TMTC2: variants seen among roughly 807,000 people sequenced by gnomAD.
The protein encoded by TMTC2 is protein O-mannosyl-transferase TMTC2.
In TMTC2, 43 loss-of-function variants were observed where a neutral mutation model predicts 82.4. The ratio of observed to expected loss-of-function variants is 0.52; its 90% CI spans 0.41 to 0.67. TMTC2 has a LOEUF of 0.67. Ranked by LOEUF, TMTC2 falls within the 30% of genes least tolerant of loss-of-function variation. TMTC2 has a pLI of 0.00. For synonymous variants in TMTC2, 408 were observed against 381.9 expected (o/e 1.07, Z -0.80); for missense variants, 919 against 1,012.4 (o/e 0.91, Z 1.25).
intron 11 of TMTC2, among the ~76,000 whole-genome samples, chr12:83,110,715 C>T (rs1259204556): frequency 6.6e-6 from 1 of 152,176 alleles, no homozygotes; most frequent in African/African-American, 2.4e-5. Context: ...ACTCTGGTAC[C>T]TCTTGTGGTT....
At chr12:82,876,068 G>GGTGGTGGTGGTGGTATTAGTA (rs1872515843) in intron 2 of TMTC2, among the ~76,000 whole-genome samples, 1 of 100,064 alleles carries the variant, frequency 1.0e-5, no homozygotes, top group African/African-American at 4.7e-5. Context: ...TGGTGGTGGT[G>GGTGGTGGTGGTGGTATTAGTA]ATGATGATGA....
chr12:82,936,823 G>A (rs915394664), intron 4 of TMTC2, among the ~76,000 whole-genome samples: 1 of 152,006 alleles, frequency 6.6e-6, no homozygotes, highest in East Asian at 1.9e-4. Context: ...CAGCTTCTTG[G>A]GGTAGTGACA....
intron 4 of TMTC2, among the ~76,000 whole-genome samples, chr12:82,932,739 A>G (rs1200177627): frequency 1.3e-5 from 2 of 152,148 alleles, no homozygotes; most frequent in Non-Finnish European, 2.9e-5. Flanking sequence ...TTTGGAAGAA[A>G]AGGAAACTGA....
chr12:82,852,180 C>T (rs1223169758), intron 1 of TMTC2, among the ~76,000 whole-genome samples: 2 of 150,742 alleles, frequency 1.3e-5, no homozygotes, highest in African/African-American at 4.9e-5. Context: ...CAGCTCAGTG[C>T]AAGCTCCGCC....
At chr12:83,019,532 C>G (rs1796177) in intron 8 of TMTC2, among the ~76,000 whole-genome samples, 77,016 of 151,974 alleles carry the variant, frequency 0.51, 22,141 homozygotes, top group East Asian at 0.85. Flanking sequence ...ACACCCTTGA[C>G]ATCTCAGCTA....
At chr12:83,099,189 T>C (rs557804574) in intron 11 of TMTC2, among the ~76,000 whole-genome samples, 1 of 152,334 alleles carries the variant, frequency 6.6e-6, no homozygotes, top group South Asian at 2.1e-4. Flanking sequence ...ATCTCCTTTT[T>C]CAGCTATTTC....
intron 10 of TMTC2, among the ~76,000 whole-genome samples, chr12:83,060,235 G>A (rs760743924): frequency 2.2e-4 from 33 of 151,642 alleles, no homozygotes; most frequent in Non-Finnish European, 3.1e-4. Flanking sequence ...ATTAAAAATA[G>A]CAGTGTTTTT....
intron 7 of TMTC2, among the ~76,000 whole-genome samples, chr12:82,982,208 A>G (rs1238255652): frequency 6.6e-6 from 1 of 151,822 alleles, no homozygotes; most frequent in Non-Finnish European, 1.5e-5. Context: ...CCATTTAATC[A>G]TTTTTGGATA....
At chr12:82,854,232 G>T (rs913131550) in intron 1 of TMTC2, among the ~76,000 whole-genome samples, 2 of 152,176 alleles carry the variant, frequency 1.3e-5, no homozygotes, top group African/African-American at 4.8e-5. Context: ...ACTGTTACTA[G>T]TTAACACTCA....
chr12:82,868,730 G>A (rs1872009188), intron 2 of TMTC2, among the ~76,000 whole-genome samples: 1 of 150,130 alleles, frequency 6.7e-6, no homozygotes, highest in Non-Finnish European at 1.5e-5. Context: ...AAAAAGGGAG[G>A]CACTATTATC....
At chr12:82,701,058 C>G (rs1355582054) in intron 1 of TMTC2, among the ~76,000 whole-genome samples, 1 of 152,144 alleles carries the variant, frequency 6.6e-6, no homozygotes, top group Non-Finnish European at 1.5e-5. Context: ...CACCAGGTAT[C>G]TCCCATGATA....
intron 9 of TMTC2, among the ~76,000 whole-genome samples, chr12:83,033,214 G>C (rs2137426965): frequency 6.6e-6 from 1 of 152,234 alleles, no homozygotes; most frequent in South Asian, 2.1e-4. Flanking sequence ...GAGATTCTTT[G>C]CTCACTGTGC....
intron 1 of TMTC2, among the ~76,000 whole-genome samples, chr12:82,846,080 C>T (rs1406816918): frequency 1.3e-5 from 2 of 151,802 alleles, no homozygotes; most frequent in Admixed American, 6.6e-5. Flanking sequence ...GGAAAGAGTG[C>T]CAGTGCCATG....
At chr12:82,744,040 A>T (rs1055128061) in intron 1 of TMTC2, among the ~76,000 whole-genome samples, 1 of 152,110 alleles carries the variant, frequency 6.6e-6, no homozygotes. Flanking sequence ...CTGGGAGGCC[A>T]GGCGGGAGGA....
intron 11 of TMTC2, among the ~76,000 whole-genome samples, chr12:83,121,510 C>T (rs771923875): frequency 2.6e-5 from 4 of 152,070 alleles, no homozygotes; most frequent in African/African-American, 4.8e-5. Context: ...GTGCACCATC[C>T]GTGGGTATCT....
intron 1 of TMTC2, among the ~76,000 whole-genome samples, chr12:82,699,413 C>T (rs143737005): frequency 1.3e-5 from 2 of 152,314 alleles, no homozygotes; most frequent in East Asian, 3.9e-4. Flanking sequence ...AATTACAGTG[C>T]ATCTGGTATA....
intron 11 of TMTC2, among the ~76,000 whole-genome samples, chr12:83,082,453 G>T (rs1883503195): frequency 6.6e-6 from 1 of 152,154 alleles, no homozygotes; most frequent in Non-Finnish European, 1.5e-5. Context: ...AGTCCTTAAA[G>T]CCCATTTTGA....
chr12:83,096,129 T>TG (rs1378714782), intron 11 of TMTC2, among the ~76,000 whole-genome samples: 2 of 152,386 alleles, frequency 1.3e-5, no homozygotes, highest in African/African-American at 2.4e-5. Flanking sequence ...GTGTATAGTT[T>TG]GTTTATAATT....
intron 8 of TMTC2, 57 bp downstream of exon 8, chr12:82,986,103 T>A: frequency 6.2e-7 from 1 of 1,611,908 alleles, no homozygotes; most frequent in Non-Finnish European, 8.5e-7. Flanking sequence ...CAGACCGGGA[T>A]AGATGGGTTT....
Sources: allele counts gnomAD v4.1 joint callset (sites outside exome capture counted in the v4.1 genomes callset), GRCh38; gene constraint gnomAD v4.1.1; transcripts MANE v1.5; gene names NCBI Gene and HGNC (gene_info 2026-07-23, HGNC 2026-07-21).